Variants in ARMC10 observed in about 807,000 individuals in gnomAD.
ARMC10 encodes the protein armadillo repeat containing 10.
Under a neutral mutation model 30.2 loss-of-function variants are expected in ARMC10, and 23 were observed. The ratio of observed to expected loss-of-function variants is 0.76; its 90% CI spans 0.55 to 1.08. ARMC10 has a LOEUF of 1.08. ARMC10 is among the 50% of genes least tolerant of loss of function. The probability of loss-of-function intolerance (pLI) is 0.00; values close to 1 mark genes in which losing one functional copy is unlikely to be tolerated. For synonymous variants in ARMC10, 111 were observed against 164.4 expected, an observed-to-expected ratio of 0.68 and a Z score of 2.48; for missense variants, 303 against 413.7, an observed-to-expected ratio of 0.73 and a Z score of 2.32.
At chr7:103,076,236 A>T (rs1585708033) in intron 2 of ARMC10, among the ~76,000 whole-genome samples, 1 of 152,336 alleles carries the variant, frequency 6.6e-6, no homozygotes, top group East Asian at 1.9e-4. Context: ...TGTTCTCAAG[A>T]TAAAAAATAA....
chr7:103,085,606 C>CTTTTTTTTTTTTTTTTT (rs10581217), intron 3 of ARMC10, among the ~76,000 whole-genome samples: 1 of 130,586 alleles, frequency 7.7e-6, no homozygotes, highest in African/African-American at 2.8e-5. Flanking sequence ...CATTTCTCTT[C>CTTTTTTTTTTTTTTTTT]TTTTTTTTTT....
intron 4 of ARMC10, among the ~76,000 whole-genome samples, chr7:103,088,178 T>C (rs1159158888): frequency 6.6e-6 from 1 of 152,196 alleles, no homozygotes; most frequent in Non-Finnish European, 1.5e-5. Flanking sequence ...TTATGTGTTC[T>C]TGCCCTTCCA....
intron 5 of ARMC10, among the ~76,000 whole-genome samples, chr7:103,093,340 A>T (rs573720163): frequency 6.6e-6 from 1 of 152,208 alleles, no homozygotes; most frequent in South Asian, 2.1e-4. Context: ...AGACAAATGC[A>T]TAAGCATTTT....
rs531403967 is a variant in ARMC10, at chr7:103,080,478, C to T, written c.245-3204C>T. On this transcript the variant is annotated intron_variant, in intron 2 of 6. Coordinates refer to ENST00000323716, the MANE Select transcript of ARMC10 (RefSeq NM_031905.5). ...CCATCTTGGCCAGGCTGGTCTCGAA[C>T]TCCTGACCTCAGCTTATCTGCCTGC... Among the ~76,000 whole-genome samples the T allele has an allele frequency of 3.4e-3, 518 of 152,106 alleles. 4 individuals are homozygous for T. The highest frequency in any genetic ancestry group is 5.8e-3 in the Non-Finnish European group (396 of 68,010).
At chr7:103,097,413 C>A in intron 6 of ARMC10, 65 bp downstream of exon 6, 1 of 1,208,404 alleles carries the variant, frequency 8.3e-7, no homozygotes, top group Non-Finnish European at 1.2e-6. Context: ...ACAGACAGAT[C>A]TGGAAAGATT....
At chr7:103,086,009 G>C (rs1029068511) in intron 3 of ARMC10, among the ~76,000 whole-genome samples, 28 of 151,816 alleles carry the variant, frequency 1.8e-4, no homozygotes, top group African/African-American at 6.8e-4. Flanking sequence ...CCCTTTTTTT[G>C]TGTTTAGTTC....
At chr7:103,094,357 T>C (rs1187068421) in intron 5 of ARMC10, among the ~76,000 whole-genome samples, 1 of 152,226 alleles carries the variant, frequency 6.6e-6, no homozygotes, top group Non-Finnish European at 1.5e-5. Context: ...TGTCTTAATA[T>C]GGTTTCAAAC....
At chr7:103,079,782 CCT>C (rs1361426079) in intron 2 of ARMC10, among the ~76,000 whole-genome samples, 1 of 151,792 alleles carries the variant, frequency 6.6e-6, no homozygotes, top group African/African-American at 2.4e-5. Flanking sequence ...AGAATGAGAC[CCT>C]GTTTCAAAAA....
At chr7:103,094,089 G>A (rs1801571348) in intron 5 of ARMC10, among the ~76,000 whole-genome samples, 1 of 152,130 alleles carries the variant, frequency 6.6e-6, no homozygotes, top group Non-Finnish European at 1.5e-5. Context: ...TTTGTTAGTG[G>A]GAAAGTGTGT....
rs372227710 is a variant in ARMC10 at position 103,083,680 on chromosome 7, A to C, written c.245-2A>C. ...ACTTCAAATAACTTTCTTCTTATGCAGAAGACTTAACTGATGGTTCATATG... is the reference window on the plus strand; with the variant it reads ...ACTTCAAATAACTTTCTTCTTATGCCGAAGACTTAACTGATGGTTCATATG... On this transcript the variant is annotated splice_acceptor_variant, in intron 2 of 6. Transcript: ENST00000323716. LOFTEE classifies it high-confidence loss of function. 3 of 1,603,964 alleles carry C rather than the reference A, an allele frequency of 1.9e-6. No homozygotes were observed. Among genetic ancestry groups the C allele is most frequent in the Non-Finnish European group, 2.6e-6 (3 of 1,176,278 alleles).
intron 5 of ARMC10, chr7:103,096,427 T>C (rs1161049060): frequency 1.3e-5 from 2 of 152,206 alleles, no homozygotes; most frequent in African/African-American, 4.8e-5. Context: ...CAAAAATTCA[T>C]GGTAGCTTAC....
At chr7:103,087,732 G>A (rs1800983190) in intron 4 of ARMC10, 8 of 973,278 alleles carry the variant, frequency 8.2e-6, no homozygotes, top group Non-Finnish European at 9.8e-6. Context: ...TTTGTAAGAG[G>A]TAATCTCTGT....
intron 3 of ARMC10, among the ~76,000 whole-genome samples, chr7:103,085,724 C>T (rs1485732492): frequency 6.6e-6 from 1 of 151,692 alleles, no homozygotes; most frequent in Non-Finnish European, 1.5e-5. Flanking sequence ...AAGCGATTCT[C>T]CTGCCTTAAC....
chr7:103,091,115 A>G (rs544456738), intron 4 of ARMC10, among the ~76,000 whole-genome samples: 1 of 152,288 alleles, frequency 6.6e-6, no homozygotes, highest in African/African-American at 2.4e-5. Context: ...TCTGTAAAAC[A>G]TAATTTTTGT....
intron 2 of ARMC10, among the ~76,000 whole-genome samples, chr7:103,079,008 T>TA (rs970686471): frequency 1.8e-4 from 27 of 152,106 alleles, no homozygotes; most frequent in African/African-American, 6.5e-4. Flanking sequence ...GACTCTGTCT[T>TA]AAAAAATAAA....
intron 4 of ARMC10, 163 bp downstream of exon 4, chr7:103,086,927 G>C: frequency 6.7e-7 from 1 of 1,496,748 alleles, no homozygotes; most frequent in Non-Finnish European, 8.9e-7. Context: ...ACCTGAACTA[G>C]CCAATAAGAG....
At chr7:103,076,844 AAAAC>A (rs146660143) in intron 2 of ARMC10, among the ~76,000 whole-genome samples, 133,085 of 151,934 alleles carry the variant, frequency 0.88, 60,981 homozygotes, top group East Asian at 1. Flanking sequence ...CAAAAAACAA[AAAAC>A]AAACAAAAAG....
At chr7:103,085,637 T>C (rs1486673511) in intron 3 of ARMC10, among the ~76,000 whole-genome samples, 1 of 146,334 alleles carries the variant, frequency 6.8e-6, no homozygotes, top group Non-Finnish European at 1.5e-5. Flanking sequence ...CTTTTTTTTG[T>C]GGCAGAGTCT....
Position 103,083,849 on chromosome 7 carries a change from CA to C in ARMC10, c.393+21del. 6.2e-7 allele frequency: 1 copy of C among 1,610,020 alleles called. No individual in the cohort carries two copies. The highest frequency in any genetic ancestry group is 1.1e-5 in the South Asian group (1 of 90,800). ...TAACCAAGTAAGTACCTCAACTCAGCAAGCAAGCTCTTTCCATTCTTACACA... is the reference window on the plus strand; with the variant it reads ...TAACCAAGTAAGTACCTCAACTCAGCAGCAAGCTCTTTCCATTCTTACACA... On this transcript the variant is annotated intron_variant, in intron 3 of 6. Transcript: ENST00000323716.
Sources: allele counts gnomAD v4.1 joint callset (sites outside exome capture counted in the v4.1 genomes callset), GRCh38; gene constraint gnomAD v4.1.1; transcripts MANE v1.5; gene names NCBI Gene and HGNC (gene_info 2026-07-23, HGNC 2026-07-21).